Variants in ZC2HC1B observed in about 807,000 individuals in gnomAD.
ZC2HC1B encodes zinc finger C2HC-type containing 1B.
In ZC2HC1B, 36 loss-of-function variants were observed where a neutral mutation model predicts 31.0. That is an observed-to-expected ratio of 1.16 (90% CI 0.89 to 1.54). The LOEUF is 1.54. ZC2HC1B is among the 40% of genes most tolerant of loss of function. The pLI is 0.00. For missense variants in ZC2HC1B, 260 were observed against 268.6 expected (o/e 0.97, Z 0.22); for synonymous variants, 73 against 88.0 (o/e 0.83, Z 0.95).
Position 143,899,747 on chromosome 6 carries a change from G to A in ZC2HC1B, c.489+1056G>A, listed in dbSNP as rs981425861. 1.6e-4 allele frequency among the ~76,000 whole-genome samples: 25 copies of A among 152,294 alleles called. No individual in the cohort carries two copies. Among genetic ancestry groups the A allele is most frequent in the South Asian group, 1.0e-3 (5 of 4,830 alleles). On this transcript the variant is annotated intron_variant, in intron 5 of 7. Transcript: ENST00000237275. The surrounding 1 kb of genome is among the most constrained non-coding windows in gnomAD (Gnocchi z 5.0). Reference sequence around the variant, plus strand: ...GGGTGGGACCGTTTCCAACAAAAGCGGATCCCACAGACTGTGGATCCTGAG... The same window carrying A: ...GGGTGGGACCGTTTCCAACAAAAGCAGATCCCACAGACTGTGGATCCTGAG...
rs751100881 is a variant in ZC2HC1B at position 143,922,137 on chromosome 6, A to G, written c.599-15512A>G. Among the ~76,000 whole-genome samples, 1 of 152,128 alleles carries G rather than the reference A, an allele frequency of 6.6e-6. No individual in the cohort carries two copies. The highest frequency in any genetic ancestry group is 6.5e-5 in the Admixed American group (1 of 15,270). On this transcript the variant is annotated intron_variant, in intron 6 of 7. Coordinates refer to ENST00000237275, the MANE Select transcript of ZC2HC1B (RefSeq NM_001013623.3). The surrounding 1 kb of genome is among the most constrained non-coding windows in gnomAD (Gnocchi z 5.0). ...GCATTAGTTAGAATCTCACTTAGTGAGATTTCCTTCGTTCTGTTCTGATAC... is the reference window on the plus strand; with the variant it reads ...GCATTAGTTAGAATCTCACTTAGTGGGATTTCCTTCGTTCTGTTCTGATAC...
Position 143,886,230 on chromosome 6 carries a change from A to C in ZC2HC1B, c.210+79A>C. The C allele has an allele frequency of 7.4e-7, 1 of 1,354,718 alleles. No individual in the cohort carries two copies. Among genetic ancestry groups the C allele is most frequent in the South Asian group, 2.1e-5 (1 of 47,578 alleles). The allele number at this position is 1,354,718 out of a possible 1,614,324, so 83.9% of individuals were successfully genotyped here. ...GCCTATTTCTGGGATTTCTGGTTTC[A>C]TTTTTGCTTGATAATACAGTAATGT... On this transcript the variant is annotated intron_variant, in intron 3 of 7. Coordinates refer to ENST00000237275, the MANE Select transcript of ZC2HC1B (RefSeq NM_001013623.3). The surrounding 1 kb of genome is among the most constrained non-coding windows in gnomAD (Gnocchi z 4.2).
rs974085784 is a variant in ZC2HC1B, at chr6:143,937,643, G to A, written c.599-6G>A. 5 of 1,541,990 alleles carry A rather than the reference G, an allele frequency of 3.2e-6. No homozygotes were observed. In the African/African-American group the frequency reaches 4.1e-5, roughly 13 times the overall value. On this transcript the variant is annotated splice_polypyrimidine_tract_variant and splice_region_variant and intron_variant, in intron 6 of 7. Transcript: ENST00000237275. ...CATAATAACAAATCTGTTTATGTTT[G>A]CAAAGGATTAGCTATGGACCCTGCT...
In ZC2HC1B at chr6:143,875,922, G is replaced by A. The variant is rs181714313; in HGVS notation, c.29-8382G>A. Among the ~76,000 whole-genome samples, 99 of 150,574 alleles carry A rather than the reference G, an allele frequency of 6.6e-4. 3 individuals are homozygous for A. The highest frequency in any genetic ancestry group is 2.3e-3 in the African/African-American group (96 of 40,902). ...GGGGAGGGGGAAGCTGTTTCTTCTG[G>A]CAAAAAAGCCTCATCAGAGTTTACA... On this transcript the variant is annotated intron_variant, in intron 1 of 7. Transcript: ENST00000237275.
chr6:143,927,899 A>AT (rs1413165341), intron 6 of ZC2HC1B, among the ~76,000 whole-genome samples: 1 of 152,066 alleles, frequency 6.6e-6, no homozygotes, highest in Non-Finnish European at 1.5e-5. Context: ...GATGTTGAAT[A>AT]TTTTTTCATA....
chr6:143,867,020 A>G (rs1227410446), intron 1 of ZC2HC1B, among the ~76,000 whole-genome samples: 1 of 152,236 alleles, frequency 6.6e-6, no homozygotes, highest in Non-Finnish European at 1.5e-5. Flanking sequence ...AATACCGTGT[A>G]TAAGTACTTA....
At position 143,868,545 on chromosome 6, in the gene ZC2HC1B, C is replaced by T. The variant is rs150734731; in HGVS notation, c.28+3978C>T. Reference sequence around the variant, plus strand: ...GTGCCCACCCAGATTAAGGATGAGTCTGCCTTCCCCAGCCCACTAACTCAA... The same window carrying T: ...GTGCCCACCCAGATTAAGGATGAGTTTGCCTTCCCCAGCCCACTAACTCAA... On this transcript the variant is annotated intron_variant, in intron 1 of 7. Transcript: ENST00000237275. The surrounding 1 kb of genome is among the most constrained non-coding windows in gnomAD (Gnocchi z 4.2). 2.0e-5 allele frequency among the ~76,000 whole-genome samples: 3 copies of T among 152,154 alleles called. No individual in the cohort carries two copies. The highest frequency in any genetic ancestry group is 2.9e-5 in the Non-Finnish European group (2 of 68,006).
intron 4 of ZC2HC1B, among the ~76,000 whole-genome samples, chr6:143,897,769 A>C (rs960741567): frequency 6.6e-6 from 1 of 152,042 alleles, no homozygotes; most frequent in Non-Finnish European, 1.5e-5. Context: ...ATTGACTTCC[A>C]TTCATATCTC....
intron 1 of ZC2HC1B, among the ~76,000 whole-genome samples, chr6:143,866,002 G>A (rs1234963010): frequency 6.6e-6 from 1 of 152,166 alleles, no homozygotes; most frequent in African/African-American, 2.4e-5. Flanking sequence ...TCTTAGTAGA[G>A]ACAGGGTTTC....
rs972776630 is a variant in ZC2HC1B at position 143,869,054 on chromosome 6, A to G, written c.28+4487A>G. Among the ~76,000 whole-genome samples the G allele has an allele frequency of 2.0e-5, 3 of 152,144 alleles. No homozygotes were observed. The highest frequency in any genetic ancestry group is 4.4e-5 in the Non-Finnish European group (3 of 68,018). The stretch of plus-strand genomic sequence containing the variant: ...TGATGACTACATTCTTCTACTACCC[A>G]TTCTGTATTCCCTTTTTCTTCAGCA... On this transcript the variant is annotated intron_variant, in intron 1 of 7. Coordinates refer to ENST00000237275, the MANE Select transcript of ZC2HC1B (RefSeq NM_001013623.3). This position sits in a 1 kb window ranked among gnomAD's most constrained non-coding sequence, Gnocchi z 5.2.
In ZC2HC1B at chr6:143,935,944, C is replaced by T. The variant is rs571703075; in HGVS notation, c.599-1705C>T. 2.0e-5 allele frequency among the ~76,000 whole-genome samples: 3 copies of T among 152,138 alleles called. No individual in the cohort carries two copies. The South Asian group carries it at 6.2e-4, about 32-fold the overall frequency. On this transcript the variant is annotated intron_variant, in intron 6 of 7. Transcript: ENST00000237275. ...GCATTACAGGTGTGAGCCACTGCCC[C>T]TGTCTTCTTTTTTAAGTAATATCTA...
chr6:143,915,832 G>T lies in ZC2HC1B; in HGVS notation c.598+12680G>T, dbSNP rs1777910327. 6.6e-6 allele frequency among the ~76,000 whole-genome samples: 1 copy of T among 152,314 alleles called. No homozygotes were observed. Among genetic ancestry groups the T allele is most frequent in the South Asian group, 2.1e-4 (1 of 4,834 alleles). ...GCAAAGCATTCAATATGTGACTTGG[G>T]TGCTGTTAAAGGCATTCAGTTTTAA... is the stretch of plus-strand genomic sequence containing the variant. On this transcript the variant is annotated intron_variant, in intron 6 of 7. Transcript: ENST00000237275. This position sits in a 1 kb window ranked among gnomAD's most constrained non-coding sequence, Gnocchi z 5.2.
At chr6:143,882,689 C>T (rs1316007960) in intron 1 of ZC2HC1B, among the ~76,000 whole-genome samples, 1 of 151,988 alleles carries the variant, frequency 6.6e-6, no homozygotes, top group Admixed American at 6.6e-5. Context: ...ATGACTTCTT[C>T]CCTGGCAATA....
intron 6 of ZC2HC1B, among the ~76,000 whole-genome samples, chr6:143,912,453 T>C (rs746368295): frequency 3.3e-5 from 5 of 152,192 alleles, no homozygotes; most frequent in Non-Finnish European, 5.9e-5. Flanking sequence ...TTTGTTGTTG[T>C]TGTTTTCTAT....
intron 6 of ZC2HC1B, among the ~76,000 whole-genome samples, chr6:143,907,574 T>C (rs1777811391): frequency 6.6e-6 from 1 of 152,278 alleles, no homozygotes. Context: ...TGCATGTATG[T>C]CTTCTTTTGA....
chr6:143,897,885 G>A (rs910835658), intron 4 of ZC2HC1B, among the ~76,000 whole-genome samples: 4 of 152,142 alleles, frequency 2.6e-5, no homozygotes, highest in African/African-American at 9.7e-5. Context: ...GTGCCCTACT[G>A]TGCCATCAAT....
At chr6:143,925,910 T>C (rs1778034590) in intron 6 of ZC2HC1B, among the ~76,000 whole-genome samples, 1 of 152,198 alleles carries the variant, frequency 6.6e-6, no homozygotes, top group Non-Finnish European at 1.5e-5. Context: ...TGTTAGCATA[T>C]AGTTCTTTAT....
Position 143,885,904 on chromosome 6 carries a change from T to A in ZC2HC1B, c.91-128T>A, listed in dbSNP as rs1777525883. ...CAGATGGATTTGCTCTGCTGTGACC[T>A]GTTAGAGAATGAACTAGGCTCTGAG... On this transcript the variant is annotated intron_variant, in intron 2 of 7. Coordinates refer to ENST00000237275, the MANE Select transcript of ZC2HC1B (RefSeq NM_001013623.3). The surrounding 1 kb of genome is among the most constrained non-coding windows in gnomAD (Gnocchi z 4.2). The A allele has an allele frequency of 2.9e-6, 3 of 1,043,392 alleles. No homozygotes were observed. The African/African-American group carries it at 4.9e-5, about 17-fold the overall frequency. 64.6% of individuals were successfully genotyped at this position (1,043,392 alleles called of 1,614,324 possible).
At position 143,918,959 on chromosome 6, in the gene ZC2HC1B, A is replaced by G. The variant is rs1777952881; in HGVS notation, c.598+15807A>G. Among the ~76,000 whole-genome samples the G allele has an allele frequency of 6.6e-6, 1 of 151,796 alleles. No individual in the cohort carries two copies. The highest frequency in any genetic ancestry group is 6.6e-5 in the Admixed American group (1 of 15,252). ...ATTTTGTTCATAGATCTTTTTCTTGAGTCTCTTCACATCTTTTTTTAGTTC... is the reference window on the plus strand; with the variant it reads ...ATTTTGTTCATAGATCTTTTTCTTGGGTCTCTTCACATCTTTTTTTAGTTC... On this transcript the variant is annotated intron_variant, in intron 6 of 7. Coordinates refer to ENST00000237275, the MANE Select transcript of ZC2HC1B (RefSeq NM_001013623.3). The surrounding 1 kb of genome is among the most constrained non-coding windows in gnomAD (Gnocchi z 4.1).
Sources: gnomAD v4.1 joint callset for allele counts (sites outside exome capture counted in the v4.1 genomes callset) on GRCh38, gnomAD v4.1.1 for gene constraint, Gnocchi (gnomAD v3.1) non-coding constraint, MANE v1.5 for transcripts, NCBI Gene and HGNC (gene_info 2026-07-23, HGNC 2026-07-21) for gene names.